MRTFB: variants seen among roughly 807,000 people sequenced by gnomAD.
MRTFB encodes myocardin related transcription factor B.
MRTFB carries 29 observed loss-of-function variants against 104.2 expected under a neutral mutation model. The observed-to-expected ratio is 0.28, with a 90% CI of 0.21 to 0.38. MRTFB has a LOEUF of 0.38. Among genes scored for constraint, MRTFB ranks in the 10% least tolerant of loss-of-function variants. The probability of loss-of-function intolerance (pLI) is 1.00; values close to 1 mark genes in which losing one functional copy is unlikely to be tolerated. For synonymous variants in MRTFB, 535 were observed against 519.5 expected (o/e 1.03, Z -0.41); for missense variants, 1,270 against 1,341.6 (o/e 0.95, Z 0.83).
At chr16:14,148,962 C>T (rs13334260) in intron 3 of MRTFB, among the ~76,000 whole-genome samples, 10,750 of 152,230 alleles carry the variant, frequency 0.071, 714 homozygotes, top group African/African-American at 0.17. Flanking sequence ...AGTCGTGTTG[C>T]TGTTTAATAC....
chr16:14,141,457 C>T (rs1464273982), intron 3 of MRTFB: 1 of 152,214 alleles, frequency 6.6e-6, no homozygotes, highest in African/African-American at 2.4e-5. Flanking sequence ...TGCAAACACT[C>T]TAAGCATGCA....
At chr16:14,212,284 T>C in intron 4 of MRTFB, 70 bp from the exon 5 acceptor site, 2 of 1,454,554 alleles carry the variant, frequency 1.4e-6, no homozygotes, top group African/African-American at 1.4e-5. Flanking sequence ...GTTATCACCA[T>C]GGTATACTAT....
chr16:14,155,160 C>G lies in MRTFB; in HGVS notation c.154+14400C>G, dbSNP rs532857111. 1.5e-4 allele frequency among the ~76,000 whole-genome samples: 22 copies of G among 151,684 alleles called. No individual in the cohort carries two copies. The South Asian group carries it at 4.6e-3, about 32-fold the overall frequency. On this transcript the variant is annotated intron_variant, in intron 3 of 16. Transcript: ENST00000571589. ...TTGTCTTACCTTGTTTAATTTTTTC[C>G]CATTTTACTTTATTTTTATTTTACA... is the stretch of plus-strand genomic sequence containing the variant.
At chr16:14,158,293 G>A (rs13339288) in intron 3 of MRTFB, among the ~76,000 whole-genome samples, 9,169 of 152,110 alleles carry the variant, frequency 0.06, 757 homozygotes, top group African/African-American at 0.19. Flanking sequence ...TTGCTTACAC[G>A]GTAGGCCTAG....
At chr16:14,124,467 A>G (rs2037007947) in intron 2 of MRTFB, among the ~76,000 whole-genome samples, 1 of 152,240 alleles carries the variant, frequency 6.6e-6, no homozygotes, top group African/African-American at 2.4e-5. Flanking sequence ...GAGAGTTTTT[A>G]GCATGAAGCG....
chr16:14,265,504 TGTA>T lies in MRTFB; in HGVS notation c.*4064_*4066del, dbSNP rs1455950681. 6.6e-6 allele frequency: 1 copy of T among 152,216 alleles called. No homozygotes were observed. Among genetic ancestry groups the T allele is most frequent in the Non-Finnish European group, 1.5e-5 (1 of 68,036 alleles). The allele number at this position is 152,216 out of a possible 1,614,324, so 9.4% of individuals were successfully genotyped here. The stretch of plus-strand genomic sequence containing the variant: ...AGTCAAAACTGGAAAACAACTAAGA[TGTA>T]GTAATTTTTTTTTCCTGGTTCAAAC... On this transcript the variant is annotated 3_prime_UTR_variant, in exon 17 of 17. Transcript: ENST00000571589.
At chr16:14,012,291 C>CTTTTT in the MRTFB span, among the ~76,000 whole-genome samples, 3 of 97,764 alleles carry the variant, frequency 3.1e-5, no homozygotes, top group African/African-American at 1.2e-4. Context: ...TTTTCTTTTT[C>CTTTTT]TTTCTTTCTT....
chr16:14,063,669 C>A, the MRTFB span, among the ~76,000 whole-genome samples: 1 of 152,172 alleles, frequency 6.6e-6, no homozygotes, highest in African/African-American at 2.4e-5. Context: ...TCCACCATTC[C>A]TGTTGGTCAA....
At position 14,240,241 on chromosome 16, in the gene MRTFB, G is replaced by C; in HGVS notation, c.836G>C (p.Ser279Thr). Residue 279 changes from serine to threonine, a missense_variant, in exon 10 of 17, where the codon AGC becomes ACC. By Grantham distance (58) the Ser-to-Thr change is moderately conservative. Around this residue, in one of 3 missense-constraint regions of MRTFB, gnomAD observed 1,144 missense variants for 1,131.5 expected, o/e 1.01. Coordinates refer to ENST00000571589, the MANE Select transcript of MRTFB (RefSeq NM_001308142.2). ...TTTTCTTTTTCTCAAAAATAGCAAAGCCATCCCAAGAATCCAAATGACAAA... is the reference window on the plus strand; with the variant it reads ...TTTTCTTTTTCTCAAAAATAGCAAACCCATCCCAAGAATCCAAATGACAAA... ...AKPGPALVKQ[S>T]HPKNPNDKHR... 6.3e-7 allele frequency: 1 copy of C among 1,590,878 alleles called. No individual in the cohort carries two copies. Among genetic ancestry groups the C allele is most frequent in the Non-Finnish European group, 8.5e-7 (1 of 1,170,172 alleles).
chr16:14,246,097 A>C (rs1011938744), intron 11 of MRTFB, among the ~76,000 whole-genome samples: 5 of 152,226 alleles, frequency 3.3e-5, no homozygotes, highest in African/African-American at 1.2e-4. Context: ...AATGGGAAGA[A>C]TAATGATACG....
chr16:14,108,950 T>C (rs573692609), intron 2 of MRTFB, among the ~76,000 whole-genome samples: 4 of 152,348 alleles, frequency 2.6e-5, no homozygotes, highest in African/African-American at 7.2e-5. Flanking sequence ...CCCTCTGTAG[T>C]AATTCGAAAA....
chr16:14,215,160 G>A (rs1263705556), intron 6 of MRTFB, among the ~76,000 whole-genome samples: 1 of 152,018 alleles, frequency 6.6e-6, no homozygotes, highest in Non-Finnish European at 1.5e-5. Context: ...TTAAAATCAA[G>A]GAAAATACAT....
chr16:14,228,457 C>T (rs1473718795), intron 8 of MRTFB, among the ~76,000 whole-genome samples: 1 of 152,056 alleles, frequency 6.6e-6, no homozygotes, highest in African/African-American at 2.4e-5. Context: ...TGCCTGTAAT[C>T]CCAGCTACTC....
chr16:14,040,776 A>G, the MRTFB span, among the ~76,000 whole-genome samples: 1 of 152,040 alleles, frequency 6.6e-6, no homozygotes, highest in Admixed American at 6.6e-5. Context: ...TACTAACTCC[A>G]TATTGCCAGA....
intron 15 of MRTFB, among the ~76,000 whole-genome samples, chr16:14,253,601 A>C (rs2043346838): frequency 6.6e-6 from 1 of 152,132 alleles, no homozygotes; most frequent in Non-Finnish European, 1.5e-5. Flanking sequence ...TCCTTGACCC[A>C]CTTGGTTGCC....
chr16:14,245,693 A>T (rs1402395605), intron 11 of MRTFB, 33 bp downstream of exon 11: 1 of 1,592,356 alleles, frequency 6.3e-7, no homozygotes, highest in East Asian at 2.2e-5. Flanking sequence ...ATTCACCCCT[A>T]AGTACCACAA....
chr16:14,020,310 T>C, the MRTFB span: 1 of 152,260 alleles, frequency 6.6e-6, no homozygotes, highest in Non-Finnish European at 1.5e-5. Flanking sequence ...TTATTTATTT[T>C]TTATTGCATT....
At chr16:14,244,192 C>A (rs1452888545) in intron 10 of MRTFB, among the ~76,000 whole-genome samples, 1 of 152,170 alleles carries the variant, frequency 6.6e-6, no homozygotes, top group Non-Finnish European at 1.5e-5. Context: ...TTACAGTACA[C>A]CTACGTGCAT....
chr16:14,252,802 C>G (rs898395078), intron 15 of MRTFB, among the ~76,000 whole-genome samples: 2 of 152,010 alleles, frequency 1.3e-5, no homozygotes, highest in African/African-American at 4.8e-5. Context: ...TGATTATGAC[C>G]AGGACACATT....
Sources: gnomAD v4.1 joint callset for allele counts (sites outside exome capture counted in the v4.1 genomes callset) on GRCh38, gnomAD v4.1.1 for gene constraint, gnomAD v4.1.1 regional missense constraint, MANE v1.5 for transcripts, NCBI Gene and HGNC (gene_info 2026-07-23, HGNC 2026-07-21) for gene names.